The following DLG1 variants were observed in gnomAD, a reference collection of about 807,000 sequenced individuals.
The protein encoded by DLG1 is disks large homolog 1.
In DLG1, 42 loss-of-function variants were observed where a neutral mutation model predicts 123.4. The ratio of observed to expected loss-of-function variants is 0.34; its 90% CI spans 0.27 to 0.44. The LOEUF is 0.44. Among genes scored for constraint, DLG1 ranks in the 20% least tolerant of loss-of-function variants. The probability of loss-of-function intolerance (pLI) is 1.00; values close to 1 mark genes in which losing one functional copy is unlikely to be tolerated. For synonymous variants in DLG1, 317 were observed against 356.2 expected (o/e 0.89, Z 1.24); for missense variants, 942 against 1,082.6 (o/e 0.87, Z 1.82).
intron 4 of DLG1, among the ~76,000 whole-genome samples, chr3:197,252,361 G>GA (rs1207766587): frequency 6.6e-6 from 1 of 152,056 alleles, no homozygotes; most frequent in Non-Finnish European, 1.5e-5. Context: ...TAATGGATAC[G>GA]AAAAATGTGG....
At chr3:197,260,943 A>C (rs1377126955) in intron 4 of DLG1, among the ~76,000 whole-genome samples, 1 of 152,160 alleles carries the variant, frequency 6.6e-6, no homozygotes, top group Non-Finnish European at 1.5e-5. Context: ...TTAAAATATT[A>C]TCTCTAAAAC....
chr3:197,250,165 A>G (rs1456760728), intron 4 of DLG1, among the ~76,000 whole-genome samples: 1 of 152,256 alleles, frequency 6.6e-6, no homozygotes, highest in Non-Finnish European at 1.5e-5. Flanking sequence ...TAAAGACTTC[A>G]CCAAAAAAAA....
intron 12 of DLG1, 65 bp downstream of exon 12, chr3:197,119,345 T>C (rs1001966376): frequency 6.3e-6 from 9 of 1,420,200 alleles, no homozygotes; most frequent in African/African-American, 2.9e-5. Context: ...CTATCTTACA[T>C]GGCTGATTAA....
At chr3:197,217,716 C>T (rs887323349) in intron 4 of DLG1, among the ~76,000 whole-genome samples, 3 of 152,120 alleles carry the variant, frequency 2.0e-5, no homozygotes, top group African/African-American at 7.2e-5. Context: ...ATATAAAACT[C>T]TAGAAATGCA....
intron 4 of DLG1, among the ~76,000 whole-genome samples, chr3:197,223,286 C>T (rs1257857234): frequency 6.6e-6 from 1 of 152,118 alleles, no homozygotes; most frequent in Non-Finnish European, 1.5e-5. Context: ...TGATACTGCT[C>T]CAATTATACA....
intron 22 of DLG1, 149 bp from the exon 23 acceptor site, chr3:197,060,147 CT>C: frequency 1.9e-6 from 1 of 517,708 alleles, no homozygotes; most frequent in Non-Finnish European, 3.4e-6. Context: ...TCTCAGCAAA[CT>C]TTAGATAGGA....
intron 4 of DLG1, among the ~76,000 whole-genome samples, chr3:197,277,328 C>CT (rs916973194): frequency 1.3e-5 from 2 of 150,848 alleles, no homozygotes; most frequent in African/African-American, 4.9e-5. Context: ...TCCTCCTACT[C>CT]TTTCATCTTG....
At chr3:197,192,681 C>G (rs1720268570) in intron 5 of DLG1, among the ~76,000 whole-genome samples, 1 of 152,002 alleles carries the variant, frequency 6.6e-6, no homozygotes, top group South Asian at 2.1e-4. Flanking sequence ...TTTACATATA[C>G]ACATATGAAT....
chr3:197,077,835 G>A (rs1283310820), intron 17 of DLG1, among the ~76,000 whole-genome samples: 1 of 152,102 alleles, frequency 6.6e-6, no homozygotes, highest in South Asian at 2.1e-4. Context: ...ACCTACCAGT[G>A]ACACTAAGAA....
intron 5 of DLG1, among the ~76,000 whole-genome samples, chr3:197,162,356 T>C (rs544708520): frequency 3.3e-5 from 5 of 152,342 alleles, no homozygotes; most frequent in African/African-American, 1.2e-4. Flanking sequence ...TGGCTTGTTA[T>C]TTTTAAAAGG....
rs1553957272 is a variant in DLG1, at chr3:197,146,013, T to TAAATAAATA, written c.538-3246_538-3245insTATTTATTT. ...TGTCTCAAATAAATAAATAAATAAA[T>TAAATAAATA]AAATAAAATAAAATAAAATAAAAAG... On this transcript the variant is annotated intron_variant, in intron 6 of 24. Coordinates refer to ENST00000667157, the MANE Select transcript of DLG1 (RefSeq NM_001366207.1). Among the ~76,000 whole-genome samples the TAAATAAATA allele has an allele frequency of 4.0e-5, 6 of 149,188 alleles. No individual in the cohort carries two copies. In the East Asian group the frequency reaches 1.0e-3, roughly 25 times the overall value.
chr3:197,079,188 G>A (rs1026274829), intron 17 of DLG1, among the ~76,000 whole-genome samples: 1 of 152,162 alleles, frequency 6.6e-6, no homozygotes, highest in African/African-American at 2.4e-5. Context: ...ATGCTATATC[G>A]CAAGAGAGAC....
intron 5 of DLG1, chr3:197,161,589 ACATTAAAAG>A (rs1246517309): frequency 9.0e-7 from 1 of 1,113,988 alleles, no homozygotes; most frequent in Non-Finnish European, 1.2e-6. Flanking sequence ...CACAAATGAA[ACATTAAAAG>A]CAAATGAAAT....
At chr3:197,159,483 A>C (rs553963198) in intron 5 of DLG1, among the ~76,000 whole-genome samples, 67 of 152,344 alleles carry the variant, frequency 4.4e-4, no homozygotes, top group South Asian at 1.7e-3. Context: ...TTGAGTGGCA[A>C]AGACAGACTA....
chr3:197,252,018 T>G (rs958573956), intron 4 of DLG1, among the ~76,000 whole-genome samples: 1 of 152,182 alleles, frequency 6.6e-6, no homozygotes, highest in Non-Finnish European at 1.5e-5. Context: ...CAGAACAGTC[T>G]TTTCTGAATC....
intron 4 of DLG1, among the ~76,000 whole-genome samples, chr3:197,224,376 T>C (rs1288748995): frequency 6.6e-6 from 1 of 152,154 alleles, no homozygotes; most frequent in Non-Finnish European, 1.5e-5. Context: ...TTTACCTACA[T>C]ATAAGGAGGA....
chr3:197,277,488 G>A (rs547104792), intron 4 of DLG1, among the ~76,000 whole-genome samples: 35 of 152,050 alleles, frequency 2.3e-4, no homozygotes, highest in African/African-American at 6.7e-4. Context: ...CCACAGGCAC[G>A]CACCACCACA....
At chr3:197,089,680 C>A (rs1415276210) in intron 15 of DLG1, among the ~76,000 whole-genome samples, 1 of 151,408 alleles carries the variant, frequency 6.6e-6, no homozygotes. Context: ...TAAAAGGCAA[C>A]ACCTATTAAT....
At chr3:197,139,204 T>G (rs764246086) in intron 8 of DLG1, among the ~76,000 whole-genome samples, 2 of 152,158 alleles carry the variant, frequency 1.3e-5, no homozygotes, top group Non-Finnish European at 2.9e-5. Flanking sequence ...AAAAAGATGG[T>G]CATCTCAAAT....
Sources: gnomAD v4.1 joint callset for allele counts (sites outside exome capture counted in the v4.1 genomes callset) on GRCh38, gnomAD v4.1.1 for gene constraint, MANE v1.5 for transcripts, NCBI Gene and HGNC (gene_info 2026-07-23, HGNC 2026-07-21) for gene names.